The following DACH1 variants were observed in gnomAD, a reference collection of about 807,000 sequenced individuals.
DACH1 encodes dachshund homolog 1.
DACH1 carries 12 observed loss-of-function variants against 54.2 expected under a neutral mutation model. That is an observed-to-expected ratio of 0.22 (90% CI 0.14 to 0.36). The LOEUF (loss-of-function observed/expected upper bound fraction) is 0.36, where lower values mean the gene tolerates loss of function less well. Ranked by LOEUF, DACH1 falls within the 10% of genes least tolerant of loss-of-function variation. The pLI is 1.00. For synonymous variants in DACH1, 386 were observed against 366.2 expected, an observed-to-expected ratio of 1.05 and a Z score of -0.62; for missense variants, 805 against 929.8, an observed-to-expected ratio of 0.87 and a Z score of 1.75.
At chr13:71,580,377 A>G (rs1237300766) in intron 3 of DACH1, among the ~76,000 whole-genome samples, 2 of 152,282 alleles carry the variant, frequency 1.3e-5, no homozygotes, top group African/African-American at 4.8e-5. Context: ...TAATTTCCCT[A>G]TGGATTTATA....
At chr13:71,712,185 T>C (rs1882750987) in intron 1 of DACH1, among the ~76,000 whole-genome samples, 2 of 152,152 alleles carry the variant, frequency 1.3e-5, no homozygotes, top group Non-Finnish European at 2.9e-5. Flanking sequence ...ATATCTAATG[T>C]AGATTTCTTT....
At chr13:71,497,392 C>T (rs1465273096) in intron 6 of DACH1, among the ~76,000 whole-genome samples, 1 of 151,618 alleles carries the variant, frequency 6.6e-6, no homozygotes, top group South Asian at 2.1e-4. Context: ...AGTACAATGG[C>T]TCAATCTCGG....
chr13:71,695,787 T>C (rs753032142), intron 1 of DACH1, among the ~76,000 whole-genome samples: 5 of 152,198 alleles, frequency 3.3e-5, no homozygotes, highest in Non-Finnish European at 5.9e-5. Flanking sequence ...CACTGTCCAT[T>C]ACAGAGGGCA....
At chr13:71,587,329 A>G (rs1372054593) in intron 3 of DACH1, among the ~76,000 whole-genome samples, 1 of 152,104 alleles carries the variant, frequency 6.6e-6, no homozygotes, top group Non-Finnish European at 1.5e-5. Context: ...CTTAAATTGA[A>G]TTGTAAAATG....
rs576496945 is a variant in DACH1, at chr13:71,649,341, T to C, written c.965-18624A>G. ...TGTATCTTCGTCATTAAGGGAGACA[T>C]GAATGTACATGAATGGATGAACTCT... On this transcript the variant is annotated intron_variant, in intron 2 of 10. Coordinates refer to ENST00000613252, the MANE Select transcript of DACH1 (RefSeq NM_080759.6). Among the ~76,000 whole-genome samples, 13 of 152,254 alleles carry C rather than the reference T, an allele frequency of 8.5e-5. 1 individual carries two copies. Among genetic ancestry groups the C allele is most frequent in the African/African-American group, 3.1e-4 (13 of 41,556 alleles).
At position 71,594,460 on chromosome 13, in the gene DACH1, A is replaced by G. The variant is rs925228402; in HGVS notation, c.1127-21448T>C. ...AATGGAAATTTCTCTCTATCCTTCT[A>G]TGACTAAACTCATAAGCTATAACAT... On this transcript the variant is annotated intron_variant, in intron 3 of 10. Transcript: ENST00000613252. 3.9e-5 allele frequency among the ~76,000 whole-genome samples: 6 copies of G among 152,096 alleles called. No homozygotes were observed. In the South Asian group the frequency reaches 6.2e-4, roughly 16 times the overall value.
chr13:71,612,855 A>G (rs1266485020), intron 3 of DACH1, among the ~76,000 whole-genome samples: 1 of 152,210 alleles, frequency 6.6e-6, no homozygotes, highest in Non-Finnish European at 1.5e-5. Context: ...TGTAGTAACA[A>G]AAATAATGTA....
chr13:71,667,865 A>G (rs951908584), intron 2 of DACH1, among the ~76,000 whole-genome samples: 2 of 152,270 alleles, frequency 1.3e-5, no homozygotes, highest in Middle Eastern at 3.4e-3. Flanking sequence ...GAATTTAGAC[A>G]TACTTGCATT....
At chr13:71,849,409 C>T (rs1270265960) in intron 1 of DACH1, among the ~76,000 whole-genome samples, 2 of 152,186 alleles carry the variant, frequency 1.3e-5, no homozygotes, top group African/African-American at 4.8e-5. Flanking sequence ...GTTACACAAG[C>T]CTGTGGATCG....
At chr13:71,495,923 G>A (rs1181808908) in intron 6 of DACH1, among the ~76,000 whole-genome samples, 1 of 151,922 alleles carries the variant, frequency 6.6e-6, no homozygotes, top group Non-Finnish European at 1.5e-5. Flanking sequence ...GTCCATCAGG[G>A]GATGACTGGA....
intron 1 of DACH1, among the ~76,000 whole-genome samples, chr13:71,759,580 A>C (rs116100553): frequency 1.3e-5 from 2 of 152,238 alleles, no homozygotes; most frequent in African/African-American, 4.8e-5. Context: ...TTACTAAACC[A>C]AGAGAAATAG....
chr13:71,675,096 G>T (rs1477736171), intron 2 of DACH1: 8 of 1,564,830 alleles, frequency 5.1e-6, no homozygotes, highest in South Asian at 4.4e-5. Flanking sequence ...CCCGCAAATC[G>T]ACCGGTGGTA....
chr13:71,585,792 C>A (rs2138445786), intron 3 of DACH1, among the ~76,000 whole-genome samples: 1 of 152,214 alleles, frequency 6.6e-6, no homozygotes, highest in Admixed American at 6.5e-5. Context: ...GGAGAAGAAA[C>A]TCATCATCAG....
rs146941725 is a variant in DACH1 at position 71,715,289 on chromosome 13, G to A, written c.849-33379C>T. Among the ~76,000 whole-genome samples, 429 of 152,044 alleles carry A rather than the reference G, an allele frequency of 2.8e-3. 3 individuals carry two copies. Among genetic ancestry groups the A allele is most frequent in the African/African-American group, 9.9e-3 (410 of 41,510 alleles). The stretch of plus-strand genomic sequence containing the variant: ...ACCTTGACAAGTCACTTAACCTTTT[G>A]GTATCCACATCTTCCCTTCCCTAAC... On this transcript the variant is annotated intron_variant, in intron 1 of 10. Coordinates refer to ENST00000613252, the MANE Select transcript of DACH1 (RefSeq NM_080759.6).
intron 7 of DACH1, among the ~76,000 whole-genome samples, chr13:71,482,226 A>G (rs1383833544): frequency 6.6e-6 from 1 of 151,966 alleles, no homozygotes; most frequent in Non-Finnish European, 1.5e-5. Flanking sequence ...CATTTTTTAG[A>G]GATTGAGTTT....
intron 3 of DACH1, among the ~76,000 whole-genome samples, chr13:71,608,760 A>G (rs1013694899): frequency 2.6e-5 from 4 of 152,152 alleles, no homozygotes; most frequent in African/African-American, 7.2e-5. Context: ...TGGCAAATTC[A>G]TTCTGTTTTT....
At chr13:71,857,671 G>T (rs1361258681) in intron 1 of DACH1, among the ~76,000 whole-genome samples, 1 of 151,704 alleles carries the variant, frequency 6.6e-6, no homozygotes, top group African/African-American at 2.4e-5. Context: ...TATAAAATGT[G>T]TGACAGGTAT....
At chr13:71,666,173 A>T (rs1879821586) in intron 2 of DACH1, among the ~76,000 whole-genome samples, 1 of 152,164 alleles carries the variant, frequency 6.6e-6, no homozygotes, top group African/African-American at 2.4e-5. Flanking sequence ...TTGTATATAT[A>T]AAAGTAGTTG....
intron 1 of DACH1, among the ~76,000 whole-genome samples, chr13:71,776,853 A>G (rs1886086846): frequency 6.6e-6 from 1 of 151,926 alleles, no homozygotes; most frequent in Non-Finnish European, 1.5e-5. Flanking sequence ...TTTATCTTTT[A>G]CCTTCAGCAA....
Sources: gnomAD v4.1 joint callset for allele counts (sites outside exome capture counted in the v4.1 genomes callset) on GRCh38, gnomAD v4.1.1 for gene constraint, MANE v1.5 for transcripts, NCBI Gene and HGNC (gene_info 2026-07-23, HGNC 2026-07-21) for gene names.